Variants in NEGR1 observed in about 807,000 individuals in gnomAD.
NEGR1 encodes neuronal growth regulator 1, also known as IgLON family member 4.
Under a neutral mutation model 40.9 loss-of-function variants are expected in NEGR1, and 10 were observed. That is an observed-to-expected ratio of 0.24 (90% CI 0.15 to 0.42). NEGR1 has a LOEUF of 0.42. NEGR1 is among the 10% of genes least tolerant of loss of function. NEGR1 has a pLI of 1.00. For synonymous variants in NEGR1, 185 were observed against 166.8 expected (o/e 1.11, Z -0.84); for missense variants, 352 against 438.9 (o/e 0.80, Z 1.77).
intron 6 of NEGR1, among the ~76,000 whole-genome samples, chr1:71,463,100 A>T (rs981722775): frequency 2.0e-5 from 3 of 152,176 alleles, no homozygotes; most frequent in African/African-American, 7.2e-5. Context: ...AACAAAGAAG[A>T]GACAAATGTC....
chr1:72,111,241 G>C (rs1180024445), intron 1 of NEGR1, among the ~76,000 whole-genome samples: 3 of 151,630 alleles, frequency 2.0e-5, no homozygotes, highest in Admixed American at 1.3e-4. Context: ...CCTCTCTACA[G>C]TGGAGGTAAC....
intron 2 of NEGR1, among the ~76,000 whole-genome samples, chr1:71,852,981 G>T (rs1207503153): frequency 6.6e-6 from 1 of 151,982 alleles, no homozygotes; most frequent in East Asian, 1.9e-4. Context: ...TTCAATGTGT[G>T]GTATAACGAA....
intron 6 of NEGR1, among the ~76,000 whole-genome samples, chr1:71,524,351 T>A (rs532828782): frequency 4.6e-4 from 69 of 150,836 alleles, no homozygotes; most frequent in Admixed American, 8.6e-4. Flanking sequence ...TGTGTGTGTG[T>A]GTGTGATATC....
At chr1:71,623,732 G>C (rs1650680904) in intron 4 of NEGR1, among the ~76,000 whole-genome samples, 1 of 151,854 alleles carries the variant, frequency 6.6e-6, no homozygotes, top group African/African-American at 2.4e-5. Context: ...TGTGGGAGGA[G>C]GGGTGGTAGA....
At chr1:71,855,228 G>A (rs747188259) in intron 2 of NEGR1, among the ~76,000 whole-genome samples, 56 of 152,114 alleles carry the variant, frequency 3.7e-4, no homozygotes, top group Non-Finnish European at 7.6e-4. Flanking sequence ...ACTGCAACCC[G>A]TTTTATTTTC....
chr1:71,620,380 T>G (rs772515656), intron 4 of NEGR1, among the ~76,000 whole-genome samples: 82 of 151,970 alleles, frequency 5.4e-4, no homozygotes, highest in Non-Finnish European at 1.0e-3. Context: ...TGGACAGTCT[T>G]TGGAAAAATT....
At chr1:72,240,831 A>C (rs1654708650) in intron 1 of NEGR1, among the ~76,000 whole-genome samples, 1 of 151,844 alleles carries the variant, frequency 6.6e-6, no homozygotes, top group African/African-American at 2.4e-5. Context: ...CTCATTAAAC[A>C]AGGGCAACTG....
At chr1:72,098,298 A>T (rs1454164074) in intron 1 of NEGR1, among the ~76,000 whole-genome samples, 1 of 152,164 alleles carries the variant, frequency 6.6e-6, no homozygotes, top group Non-Finnish European at 1.5e-5. Flanking sequence ...AAAAAAATTT[A>T]AAACGGAAAC....
intron 2 of NEGR1, among the ~76,000 whole-genome samples, chr1:71,866,760 A>T (rs1660125438): frequency 6.6e-6 from 1 of 152,186 alleles, no homozygotes; most frequent in African/African-American, 2.4e-5. Context: ...AGCATATCTT[A>T]ACAGCTGTTG....
chr1:71,492,215 T>C (rs1376667232), intron 6 of NEGR1, among the ~76,000 whole-genome samples: 1 of 152,052 alleles, frequency 6.6e-6, no homozygotes, highest in Non-Finnish European at 1.5e-5. Flanking sequence ...TGAAATACAA[T>C]CTAAAATGCA....
intron 3 of NEGR1, among the ~76,000 whole-genome samples, chr1:71,729,957 C>T (rs1654803193): frequency 6.6e-6 from 1 of 150,440 alleles, no homozygotes; most frequent in African/African-American, 2.4e-5. Flanking sequence ...ATGAGAGAGT[C>T]CAAAACTAAC....
At chr1:72,007,113 C>G (rs1365488274) in intron 1 of NEGR1, among the ~76,000 whole-genome samples, 1 of 151,964 alleles carries the variant, frequency 6.6e-6, no homozygotes, top group Non-Finnish European at 1.5e-5. Flanking sequence ...ATTAACACTG[C>G]AGCAATTTGT....
intron 3 of NEGR1, among the ~76,000 whole-genome samples, chr1:71,735,666 G>A (rs1655021328): frequency 6.6e-6 from 1 of 151,662 alleles, no homozygotes; most frequent in Non-Finnish European, 1.5e-5. Flanking sequence ...CACATCGTGG[G>A]TATACATATA....
At chr1:71,445,400 A>G (rs965125444) in intron 6 of NEGR1, among the ~76,000 whole-genome samples, 7 of 151,520 alleles carry the variant, frequency 4.6e-5, no homozygotes, top group Non-Finnish European at 7.4e-5. Context: ...GGAATTTTCT[A>G]TGGAGCCCTA....
intron 5 of NEGR1, among the ~76,000 whole-genome samples, chr1:71,609,961 T>C (rs945880912): frequency 6.6e-6 from 1 of 152,180 alleles, no homozygotes; most frequent in Non-Finnish European, 1.5e-5. Flanking sequence ...AAGGGGGTTT[T>C]CCCCGATTTG....
chr1:72,109,101 A>T (rs922780918), intron 1 of NEGR1, among the ~76,000 whole-genome samples: 1 of 151,700 alleles, frequency 6.6e-6, no homozygotes, highest in Non-Finnish European at 1.5e-5. Flanking sequence ...AGCTAAACAA[A>T]GTATAAAATT....
chr1:71,767,978 C>T (rs1040301696), intron 3 of NEGR1, among the ~76,000 whole-genome samples: 3 of 152,220 alleles, frequency 2.0e-5, no homozygotes, highest in African/African-American at 7.2e-5. Context: ...AGTACAAGAG[C>T]TGAGGCTTGG....
chr1:71,676,919 T>C (rs1652660939), intron 4 of NEGR1, among the ~76,000 whole-genome samples: 1 of 152,176 alleles, frequency 6.6e-6, no homozygotes, highest in Non-Finnish European at 1.5e-5. Context: ...GCTCATTTGG[T>C]AGATTTTCAC....
At chr1:71,983,900 T>A (rs76343832) in intron 1 of NEGR1, among the ~76,000 whole-genome samples, 3,472 of 152,290 alleles carry the variant, frequency 0.023, 121 homozygotes, top group African/African-American at 0.079. Context: ...AAAATAATAA[T>A]CTATTCTTCA....
Sources: gnomAD v4.1 joint callset for allele counts (sites outside exome capture counted in the v4.1 genomes callset) on GRCh38, gnomAD v4.1.1 for gene constraint, MANE v1.5 for transcripts, NCBI Gene and HGNC (gene_info 2026-07-23, HGNC 2026-07-21) for gene names.